LY75: variants seen among roughly 807,000 people sequenced by gnomAD.
LY75 encodes the protein lymphocyte antigen 75, also known as C-type lectin domain family 13 member B.
In LY75, 185 loss-of-function variants were observed where a neutral mutation model predicts 231.7. The ratio of observed to expected loss-of-function variants is 0.80; its 90% confidence interval spans 0.71 to 0.90. LY75 has a LOEUF of 0.90. Ranked by LOEUF, LY75 falls within the 40% of genes least tolerant of loss-of-function variation. LY75 has a pLI of 0.00. For synonymous variants in LY75, 668 were observed against 689.0 expected, an observed-to-expected ratio of 0.97 and a Z score of 0.48; for missense variants, 1,947 against 2,050.2, an observed-to-expected ratio of 0.95 and a Z score of 0.97.
Position 159,877,009 on chromosome 2 carries a change from C to CAAA in LY75, c.1774+1312_1774+1314dup, listed in dbSNP as rs58831835. Among the ~76,000 whole-genome samples the CAAA allele has an allele frequency of 4.3e-3, 385 of 90,462 alleles. 8 individuals carry two copies. Among genetic ancestry groups the CAAA allele is most frequent in the Middle Eastern group, 0.015 (2 of 130 alleles). 59.3% of individuals were successfully genotyped at this position (90,462 alleles called of 152,430 possible). A position where few individuals can be genotyped will look rare whatever the true frequency, so the allele number is the denominator to read the frequency against. On this transcript the variant is annotated intron_variant, in intron 11 of 34. Transcript: ENST00000263636. ...GGGCAAGAGGAGCGAAACTCCATCT[C>CAAA]AAAAAAAAAAAAAAAAAAAAAAAAA...
intron 25 of LY75, among the ~76,000 whole-genome samples, chr2:159,838,984 C>T (rs1683921925): frequency 6.6e-6 from 1 of 151,996 alleles, no homozygotes. Flanking sequence ...TTAGTAGAGA[C>T]AGGGTTTCAC....
intron 13 of LY75, among the ~76,000 whole-genome samples, chr2:159,869,365 C>G (rs936004392): frequency 6.6e-5 from 10 of 151,610 alleles, no homozygotes; most frequent in African/African-American, 2.4e-4. Context: ...CTTCCATGAT[C>G]ACCAAAGTCA....
At chr2:159,891,715 A>G (rs959882842) in intron 3 of LY75, among the ~76,000 whole-genome samples, 1 of 152,208 alleles carries the variant, frequency 6.6e-6, no homozygotes, top group African/African-American at 2.4e-5. Context: ...AGCAAGGTAC[A>G]GTGGGGGTAA....
chr2:159,848,151 GGTGT>G (rs1299617156), intron 23 of LY75, among the ~76,000 whole-genome samples: 6 of 104,802 alleles, frequency 5.7e-5, no homozygotes, highest in South Asian at 2.9e-4. Flanking sequence ...ATTTATATAT[GGTGT>G]GTGTGTGTGT....
Position 159,852,290 on chromosome 2 carries a change from T to C in LY75, c.2794A>G (p.Lys932Glu), listed in dbSNP as rs768760551. The C allele has an allele frequency of 6.2e-7, 1 of 1,614,084 alleles. No individual in the cohort carries two copies. Among genetic ancestry groups the C allele is most frequent in the South Asian group, 1.1e-5 (1 of 91,078 alleles). Reference sequence around the variant, plus strand: ...TTCTCTAACGAAGAAACATTATATTTTTCACAGATGAAGGGCAACTTGGTA... The same window carrying C: ...TTCTCTAACGAAGAAACATTATATTCTTCACAGATGAAGGGCAACTTGGTA... ...CSTKLPFICE[K>E]YNVSSLEKYS... Residue 932 changes from lysine (K) to glutamate (E), a missense_variant, in exon 21 of 35, where the codon AAA becomes GAA. Transcript: ENST00000263636.
chr2:159,858,057 CT>C, intron 16 of LY75, among the ~76,000 whole-genome samples: 1 of 152,240 alleles, frequency 6.6e-6, no homozygotes, highest in East Asian at 1.9e-4. Flanking sequence ...GAAAATGATT[CT>C]GCATTTCTCC....
At chr2:159,818,145 C>A (rs6720948) in intron 29 of LY75, among the ~76,000 whole-genome samples, 101,024 of 152,004 alleles carry the variant, frequency 0.66, 33,889 homozygotes, top group East Asian at 0.9. Context: ...TAATTTATAT[C>A]GATACTCCCC....
At position 159,882,194 on chromosome 2, in the gene LY75, G is replaced by A; in HGVS notation, c.1176C>T (p.Phe392=). 1 of 1,614,052 alleles carries A rather than the reference G, an allele frequency of 6.2e-7. No homozygotes were observed. The highest frequency in any genetic ancestry group is 8.5e-7 in the Non-Finnish European group (1 of 1,179,944). ...WDKAHAKCKA[F]SSDLISIHSL... The stretch of plus-strand genomic sequence containing the variant: ...AATGAATGCTGATTAGGTCACTACT[G>A]AAGGCTTTGCATTTCGCATGTGCCT... The change falls in exon 7 of 35, where the codon TTC becomes TTT. Residue 392 remains phenylalanine, a synonymous_variant. Transcript: ENST00000263636.
At chr2:159,894,938 C>A (rs2125884694) in intron 2 of LY75, among the ~76,000 whole-genome samples, 1 of 152,250 alleles carries the variant, frequency 6.6e-6, no homozygotes, top group South Asian at 2.1e-4. Flanking sequence ...TCCCTGTATC[C>A]CTGTCACAAT....
Position 159,875,577 on chromosome 2 carries a change from C to T in LY75, c.1841G>A (p.Cys614Tyr). ...AATTGAAAGTGCTTTGAAGCTTCTG[C>T]AGTCCTTCACCTCCCACTTTCCAAC... Reference protein sequence around the residue: ...KSVGKWEVKDCRSFKALSICK... With the variant: ...KSVGKWEVKDYRSFKALSICK... Residue 614 changes from cysteine to tyrosine, a missense_variant, in exon 12 of 35, where the codon TGC becomes TAC. Transcript: ENST00000263636. The T allele has an allele frequency of 1.2e-6, 2 of 1,614,072 alleles. No homozygotes were observed. The highest frequency in any genetic ancestry group is 1.1e-5 in the South Asian group (1 of 91,076).
chr2:159,838,777 T>C (rs984583373), intron 25 of LY75, among the ~76,000 whole-genome samples: 7 of 152,140 alleles, frequency 4.6e-5, no homozygotes, highest in Admixed American at 1.3e-4. Context: ...TGCTCTGGGT[T>C]AATTTAATTT....
intron 23 of LY75, among the ~76,000 whole-genome samples, chr2:159,847,445 C>G (rs1485653180): frequency 6.6e-6 from 1 of 152,128 alleles, no homozygotes; most frequent in East Asian, 1.9e-4. Flanking sequence ...AGGCCTCCCC[C>G]TCTCAGCCTC....
At chr2:159,810,857 C>T (rs1266301465) in intron 31 of LY75, among the ~76,000 whole-genome samples, 182 bp from the exon 32 acceptor site, 1 of 152,040 alleles carries the variant, frequency 6.6e-6, no homozygotes, top group African/African-American at 2.4e-5. Context: ...TTTGGAATAC[C>T]GTTTAAAAAA....
chr2:159,818,709 T>C (rs1162202584), intron 29 of LY75, among the ~76,000 whole-genome samples: 1 of 152,134 alleles, frequency 6.6e-6, no homozygotes, highest in Non-Finnish European at 1.5e-5. Flanking sequence ...TAGGGGAAAT[T>C]GATTGTAGGG....
Position 159,899,015 on chromosome 2 carries a change from T to A in LY75, c.139A>T (p.Ile47Phe), listed in dbSNP as rs765526906. 2 of 1,614,122 alleles carry A rather than the reference T, an allele frequency of 1.2e-6. No individual in the cohort carries two copies. Among genetic ancestry groups the A allele is most frequent in the Non-Finnish European group, 1.7e-6 (2 of 1,179,942 alleles). ...TIVHGNTGKC[I>F]KPVYGWIVAD... ...ACTATCCAGCCATACACTGGCTTGA[T>A]GCACTTGCCCGTATTTCCATGGACG... is the stretch of plus-strand genomic sequence containing the variant. Residue 47 changes from isoleucine to phenylalanine, a missense_variant, in exon 2 of 35, where the codon ATC becomes TTC. By Grantham distance (21) the Ile-to-Phe change is conservative (BLOSUM62 0). Transcript: ENST00000263636.
chr2:159,813,555 G>A (rs1444324954), intron 31 of LY75, among the ~76,000 whole-genome samples: 4 of 152,090 alleles, frequency 2.6e-5, no homozygotes, highest in African/African-American at 9.7e-5. Context: ...TCTTCTGGTG[G>A]TTGCCGACAG....
At chr2:159,826,690 T>G (rs1683480495) in intron 28 of LY75, among the ~76,000 whole-genome samples, 1 of 152,156 alleles carries the variant, frequency 6.6e-6, no homozygotes, top group Admixed American at 6.5e-5. Context: ...GGCATCATGC[T>G]ACCTGACTTC....
chr2:159,883,188 G>A (rs1392172340), intron 6 of LY75, among the ~76,000 whole-genome samples: 3 of 150,210 alleles, frequency 2.0e-5, no homozygotes, highest in East Asian at 2.0e-4. Flanking sequence ...GCTAGATGAC[G>A]AGTTAGTGGG....
At chr2:159,805,291 A>G (rs1682759772) in intron 34 of LY75, 69 bp from the exon 35 acceptor site, 2 of 1,207,706 alleles carry the variant, frequency 1.7e-6, no homozygotes, top group Non-Finnish European at 2.4e-6. Context: ...TTTATACATT[A>G]TGGGTTGTGT....
Sources: allele counts gnomAD v4.1 joint callset (sites outside exome capture counted in the v4.1 genomes callset), GRCh38; gene constraint gnomAD v4.1.1; transcripts MANE v1.5; gene names NCBI Gene and HGNC (gene_info 2026-07-23, HGNC 2026-07-21).